Variants in TLL1 observed in about 807,000 individuals in gnomAD.
TLL1 encodes tolloid-like protein 1.
Under a neutral mutation model 128.2 loss-of-function variants are expected in TLL1, and 49 were observed. The observed-to-expected ratio is 0.38, with a 90% confidence interval of 0.30 to 0.48. The LOEUF (loss-of-function observed/expected upper bound fraction) is 0.48, where lower values mean the gene tolerates loss of function less well. Ranked by LOEUF, TLL1 falls within the 20% of genes least tolerant of loss-of-function variation. The pLI, the probability that TLL1 is intolerant of heterozygous loss-of-function variation, is 0.96. For missense variants in TLL1, 1,123 were observed against 1,242.0 expected, an observed-to-expected ratio of 0.90 and a Z score of 1.44; for synonymous variants, 454 against 418.8, an observed-to-expected ratio of 1.08 and a Z score of -1.03.
At chr4:166,100,649 A>G in intron 20 of TLL1, 93 bp from the exon 21 acceptor site, 1 of 1,528,326 alleles carries the variant, frequency 6.5e-7, no homozygotes, top group Non-Finnish European at 9.0e-7. Context: ...ATTATATTCC[A>G]AAGACAAGTA....
In TLL1 at chr4:165,915,127, A is replaced by G. The variant is rs201816571; in HGVS notation, c.169+41054A>G. Among the ~76,000 whole-genome samples the G allele has an allele frequency of 5.3e-5, 8 of 152,310 alleles. No homozygotes were observed. In the East Asian group the frequency reaches 9.7e-4, roughly 18 times the overall value. On this transcript the variant is annotated intron_variant, in intron 1 of 20. Coordinates refer to ENST00000061240, the MANE Select transcript of TLL1 (RefSeq NM_012464.5). ...TGATGATCAATAGACTGGCTAAGAC[A>G]TAAATAACAAGAAGTACAGAGGAGA... is the stretch of plus-strand genomic sequence containing the variant.
At chr4:166,023,781 A>G (rs978243400) in intron 8 of TLL1, among the ~76,000 whole-genome samples, 2 of 152,190 alleles carry the variant, frequency 1.3e-5, no homozygotes, top group Admixed American at 1.3e-4. Flanking sequence ...TGTTGTATGC[A>G]TACATTTATG....
At chr4:165,889,290 AT>A (rs1731293368) in intron 1 of TLL1, among the ~76,000 whole-genome samples, 1 of 152,212 alleles carries the variant, frequency 6.6e-6, no homozygotes, top group African/African-American at 2.4e-5. Flanking sequence ...CTGAAAATAT[AT>A]CAGATATCTA....
intron 1 of TLL1, among the ~76,000 whole-genome samples, chr4:165,968,119 A>G (rs1301994658): frequency 6.6e-6 from 1 of 152,188 alleles, no homozygotes; most frequent in Non-Finnish European, 1.5e-5. Flanking sequence ...TAAGTTGTAA[A>G]CATCAGAGAA....
intron 1 of TLL1, 148 bp from the exon 2 acceptor site, chr4:165,989,233 C>T: frequency 1.6e-6 from 1 of 633,526 alleles, no homozygotes; most frequent in Non-Finnish European, 2.8e-6. Context: ...GTAACAGGTC[C>T]AGTGCATTCA....
intron 3 of TLL1, among the ~76,000 whole-genome samples, chr4:165,993,401 G>A (rs547085233): frequency 3.3e-5 from 5 of 152,096 alleles, no homozygotes; most frequent in African/African-American, 7.2e-5. Flanking sequence ...AGTATTGAAT[G>A]TATTAAAAAT....
intron 1 of TLL1, among the ~76,000 whole-genome samples, chr4:165,902,562 G>A (rs1259597859): frequency 6.6e-6 from 1 of 152,122 alleles, no homozygotes; most frequent in Admixed American, 6.5e-5. Context: ...CTGCTTCCTG[G>A]GTGAGGCGAC....
chr4:166,064,799 C>T (rs1368251502), intron 15 of TLL1, among the ~76,000 whole-genome samples: 1 of 152,030 alleles, frequency 6.6e-6, no homozygotes, highest in Non-Finnish European at 1.5e-5. Flanking sequence ...ATTTCATTTT[C>T]CCTAGCAGCA....
chr4:165,998,050 A>G (rs1736964508), intron 5 of TLL1, among the ~76,000 whole-genome samples: 1 of 152,190 alleles, frequency 6.6e-6, no homozygotes, highest in Non-Finnish European at 1.5e-5. Flanking sequence ...ATCCTTATAG[A>G]GACAGGTAAG....
At chr4:165,905,918 A>C (rs1262751575) in intron 1 of TLL1, among the ~76,000 whole-genome samples, 1 of 152,128 alleles carries the variant, frequency 6.6e-6, no homozygotes, top group Non-Finnish European at 1.5e-5. Context: ...CTGCTGAGGC[A>C]GATACCATCA....
chr4:166,044,583 A>C (rs1456006209), intron 12 of TLL1: 1 of 647,410 alleles, frequency 1.5e-6, no homozygotes, highest in East Asian at 2.8e-5. Context: ...TTTTTTTTGT[A>C]CTTTTGGAAA....
intron 14 of TLL1, among the ~76,000 whole-genome samples, chr4:166,058,855 G>A (rs11934951): frequency 0.022 from 3,323 of 152,180 alleles, 46 homozygotes; most frequent in Non-Finnish European, 0.033. Context: ...TGGCAAAGGG[G>A]AAAGAATTAT....
At chr4:166,093,596 G>T (rs1452201056) in intron 19 of TLL1, among the ~76,000 whole-genome samples, 1 of 152,148 alleles carries the variant, frequency 6.6e-6, no homozygotes, top group African/African-American at 2.4e-5. Flanking sequence ...TATCTGAACT[G>T]CAAGAGGCTT....
intron 7 of TLL1, among the ~76,000 whole-genome samples, chr4:166,009,335 T>G (rs149294353): frequency 6.6e-6 from 1 of 151,568 alleles, no homozygotes; most frequent in Non-Finnish European, 1.5e-5. Context: ...CTAACCTGAG[T>G]TTTGGTTCCT....
intron 18 of TLL1, among the ~76,000 whole-genome samples, chr4:166,085,638 A>G (rs1322824518): frequency 6.6e-6 from 1 of 152,040 alleles, no homozygotes; most frequent in Non-Finnish European, 1.5e-5. Flanking sequence ...CCACTTTATC[A>G]TAGTGAATGA....
At chr4:165,912,399 C>T (rs1401129702) in intron 1 of TLL1, among the ~76,000 whole-genome samples, 1 of 152,212 alleles carries the variant, frequency 6.6e-6, no homozygotes, top group Non-Finnish European at 1.5e-5. Context: ...CATTCTAAAA[C>T]TTGATTTGGT....
intron 1 of TLL1, among the ~76,000 whole-genome samples, chr4:165,908,582 C>CA (rs575726410): frequency 0.1 from 6,292 of 62,936 alleles, 181 homozygotes; most frequent in East Asian, 0.17. Context: ...GACCCTGTCT[C>CA]AAAAAAAAAA....
intron 5 of TLL1, among the ~76,000 whole-genome samples, chr4:165,997,230 T>C (rs1484614097): frequency 6.6e-6 from 1 of 152,170 alleles, no homozygotes; most frequent in East Asian, 1.9e-4. Flanking sequence ...GTAGTTGGTG[T>C]GCACAAAGTA....
intron 1 of TLL1, among the ~76,000 whole-genome samples, chr4:165,879,576 A>G (rs992530967): frequency 1.3e-5 from 2 of 152,184 alleles, no homozygotes; most frequent in African/African-American, 4.8e-5. Context: ...ATTTTAGAAT[A>G]TTACTTATTC....
Sources: gnomAD v4.1 joint callset for allele counts (sites outside exome capture counted in the v4.1 genomes callset) on GRCh38, gnomAD v4.1.1 for gene constraint, MANE v1.5 for transcripts, NCBI Gene and HGNC (gene_info 2026-07-23, HGNC 2026-07-21) for gene names.